Variants in EWSR1 observed in about 807,000 individuals in gnomAD.
EWSR1 encodes the protein EWS RNA binding protein 1.
Under a neutral mutation model 92.1 loss-of-function variants are expected in EWSR1, and 14 were observed. The ratio of observed to expected loss-of-function variants is 0.15; its 90% CI spans 0.10 to 0.24. The LOEUF is 0.24. Ranked by LOEUF, EWSR1 falls within the 10% of genes least tolerant of loss-of-function variation. The probability of loss-of-function intolerance (pLI) is 1.00; values close to 1 mark genes in which losing one functional copy is unlikely to be tolerated. For synonymous variants in EWSR1, 303 were observed against 292.9 expected, an observed-to-expected ratio of 1.03 and a Z score of -0.35; for missense variants, 637 against 870.9, an observed-to-expected ratio of 0.73 and a Z score of 3.38.
At chr22:29,277,372 GTTTAAT>G (rs1182476231) in intron 4 of EWSR1, 6 of 223,668 alleles carry the variant, frequency 2.7e-5, no homozygotes, top group African/African-American at 1.1e-4. Context: ...CAATATCGAA[GTTTAAT>G]TTTAAATAAT....
intron 14 of EWSR1, 60 bp downstream of exon 14, chr22:29,298,955 A>T: frequency 6.8e-7 from 1 of 1,481,332 alleles, no homozygotes; most frequent in Admixed American, 2.3e-5. Flanking sequence ...CCCTCACCCC[A>T]TCCCCACTCT....
At chr22:29,285,495 T>G (rs1461033292) in intron 6 of EWSR1, among the ~76,000 whole-genome samples, 1 of 151,328 alleles carries the variant, frequency 6.6e-6, no homozygotes, top group African/African-American at 2.5e-5. Context: ...ATTGACATAA[T>G]CTTAATATTT....
chr22:29,277,864 G>A, intron 4 of EWSR1, 166 bp from the exon 5 acceptor site: 3 of 606,292 alleles, frequency 4.9e-6, no homozygotes, highest in Middle Eastern at 2.7e-4. Context: ...AGAGAACTTA[G>A]GCTTTAAATA....
chr22:29,278,552 C>T (rs2059304759), intron 5 of EWSR1, among the ~76,000 whole-genome samples: 2 of 152,066 alleles, frequency 1.3e-5, no homozygotes, highest in Admixed American at 1.3e-4. Flanking sequence ...CGGGGGGGCG[C>T]AGTGGCTCAC....
At position 29,286,909 on chromosome 22, in the gene EWSR1, T is replaced by C. The variant is rs372019981; in HGVS notation, c.582-14T>C. 7.4e-5 allele frequency: 119 copies of C among 1,601,678 alleles called. No individual in the cohort carries two copies. Among genetic ancestry groups the C allele is most frequent in the Non-Finnish European group, 9.4e-5 (110 of 1,173,338 alleles). ...TAAAAAAGCTTTTTTTTTTTTCTCT[T>C]CTCTCTCTTTCAGCTATTCCTCTAC... On this transcript the variant is annotated splice_polypyrimidine_tract_variant and intron_variant, in intron 6 of 16. Transcript: ENST00000397938.
In EWSR1 at chr22:29,280,192, C is replaced by T. The variant is rs1399677210; in HGVS notation, c.413+1976C>T. ...AAGCAATTCTCCTGGCTTAGCTTCC[C>T]GAGTAGCTGGGACTACGGGCATGTA... On this transcript the variant is annotated intron_variant, in intron 5 of 16. Coordinates refer to ENST00000397938, the MANE Select transcript of EWSR1 (RefSeq NM_005243.4). 3.2e-4 allele frequency among the ~76,000 whole-genome samples: 49 copies of T among 152,064 alleles called. 1 individual carries two copies. Among genetic ancestry groups the T allele is most frequent in the Non-Finnish European group, 2.1e-4 (14 of 68,010 alleles).
At chr22:29,273,695 A>G in intron 3 of EWSR1, 46 bp from the exon 4 acceptor site, 1 of 1,587,216 alleles carries the variant, frequency 6.3e-7, no homozygotes, top group Non-Finnish European at 8.6e-7. Flanking sequence ...GCTAAAATAC[A>G]AAAGTTCATG....
intron 12 of EWSR1, among the ~76,000 whole-genome samples, chr22:29,297,198 G>A (rs1357508451): frequency 6.6e-6 from 1 of 152,148 alleles, no homozygotes; most frequent in Non-Finnish European, 1.5e-5. Context: ...CCAGGCTGGA[G>A]TGCAGTGACA....
At chr22:29,272,175 C>G (rs558819034) in intron 1 of EWSR1, 41 bp from the exon 2 acceptor site, 20 of 1,590,046 alleles carry the variant, frequency 1.3e-5, no homozygotes, top group African/African-American at 1.1e-4. Flanking sequence ...CTCCTTGTTT[C>G]TGCTAACTTT....
intron 1 of EWSR1, among the ~76,000 whole-genome samples, chr22:29,268,593 GC>G (rs2058336882): frequency 6.6e-6 from 1 of 152,132 alleles, no homozygotes. Flanking sequence ...GGCGCGCGGG[GC>G]CCGCCTTGGC....
chr22:29,285,586 T>C (rs1047687979), intron 6 of EWSR1, among the ~76,000 whole-genome samples: 1 of 151,460 alleles, frequency 6.6e-6, no homozygotes, highest in South Asian at 2.1e-4. Context: ...GTCTGAAAGA[T>C]TGAAAGTAGC....
At position 29,272,212 on chromosome 22, in the gene EWSR1, C is replaced by A; in HGVS notation, c.14-4C>A. 2 of 1,613,812 alleles carry A rather than the reference C, an allele frequency of 1.2e-6. No individual in the cohort carries two copies. Among genetic ancestry groups the A allele is most frequent in the South Asian group, 1.1e-5 (1 of 91,058 alleles). On this transcript the variant is annotated splice_region_variant and splice_polypyrimidine_tract_variant and intron_variant, in intron 1 of 16. Coordinates refer to ENST00000397938, the MANE Select transcript of EWSR1 (RefSeq NM_005243.4). The stretch of plus-strand genomic sequence containing the variant: ...CACTATTTTTCCTCCTTGTTTTCCT[C>A]TAGATTACAGTACCTATAGCCAAGC...
At chr22:29,269,908 G>A (rs1345287993) in intron 1 of EWSR1, among the ~76,000 whole-genome samples, 1 of 152,218 alleles carries the variant, frequency 6.6e-6, no homozygotes, top group Admixed American at 6.5e-5. Context: ...ACTACCATGT[G>A]CTGTACTGTA....
chr22:29,274,486 A>G (rs2058947775), intron 4 of EWSR1: 6 of 537,734 alleles, frequency 1.1e-5, no homozygotes, highest in African/African-American at 3.8e-5. Context: ...AGGTTTTTTT[A>G]TTTAATATTA....
intron 4 of EWSR1, among the ~76,000 whole-genome samples, chr22:29,274,938 T>C (rs937684634): frequency 2.6e-5 from 4 of 152,202 alleles, no homozygotes; most frequent in Non-Finnish European, 5.9e-5. Context: ...CTTAAAGATA[T>C]CAGAGCTCTT....
intron 4 of EWSR1, chr22:29,275,728 T>C (rs2059057950): frequency 4.4e-6 from 1 of 229,026 alleles, no homozygotes; most frequent in Admixed American, 5.7e-5. Context: ...CACTGTTCTC[T>C]TCTAGGATTT....
At chr22:29,276,554 A>G (rs2059139262) in intron 4 of EWSR1, 1 of 226,104 alleles carries the variant, frequency 4.4e-6, no homozygotes. Context: ...TTAAGGCCCT[A>G]AATCTTAACT....
intron 4 of EWSR1, chr22:29,274,537 A>G: frequency 2.2e-6 from 1 of 446,740 alleles, no homozygotes; most frequent in South Asian, 3.8e-5. Context: ...ACCTTCCCAA[A>G]GGTATTTCAG....
intron 8 of EWSR1, chr22:29,290,329 TCA>T: frequency 2.1e-6 from 3 of 1,399,024 alleles, no homozygotes; most frequent in Admixed American, 2.1e-5. Context: ...ATGCCCTTTT[TCA>T]TTGCCTCAGT....
Sources: gnomAD v4.1 joint callset for allele counts (sites outside exome capture counted in the v4.1 genomes callset) on GRCh38, gnomAD v4.1.1 for gene constraint, MANE v1.5 for transcripts, NCBI Gene and HGNC (gene_info 2026-07-23, HGNC 2026-07-21) for gene names.